Variants in PCDHA3 observed in about 807,000 individuals in gnomAD.
PCDHA3 encodes the protein protocadherin alpha 3.
Under a neutral mutation model 62.2 loss-of-function variants are expected in PCDHA3, and 41 were observed. The observed-to-expected ratio is 0.66, with a 90% CI of 0.51 to 0.86. PCDHA3 has a LOEUF of 0.86. Ranked by LOEUF, PCDHA3 falls within the 40% of genes least tolerant of loss-of-function variation. The pLI is 0.00. For missense variants in PCDHA3, 1,304 were observed against 1,241.2 expected (o/e 1.05, Z -0.76); for synonymous variants, 640 against 555.4 (o/e 1.15, Z -2.14).
At chr5:140,877,995 T>A in intron 1 of PCDHA3, 1 of 1,054,404 alleles carries the variant, frequency 9.5e-7, no homozygotes. Context: ...AACTTTTATG[T>A]ATTTGTCTAA....
At position 140,803,296 on chromosome 5, in the gene PCDHA3, T is replaced by A. The variant is rs1312324296; in HGVS notation, c.2099T>A (p.Leu700Ter). The change falls in exon 1 of 4, where the codon TTG (leucine) becomes TAG (stop). Residue 700 changes from leucine to a stop codon, truncating the protein, a stop_gained. Transcript: ENST00000522353. LOFTEE classifies it high-confidence loss of function. ...GCACTGGTGGATGTCAACGTGTACT[T>A]GATCGTCGCCATCTGCGCGGTGTCC... Reference protein sequence around the residue: ...EAALVDVNVYLIVAICAVSSL... With the variant: ...EAALVDVNVY 9.3e-6 allele frequency: 15 copies of A among 1,614,112 alleles called. No individual in the cohort carries two copies. Among genetic ancestry groups the A allele is most frequent in the Non-Finnish European group, 1.3e-5 (15 of 1,179,990 alleles).
At chr5:140,907,099 C>T (rs2073164781) in intron 1 of PCDHA3, among the ~76,000 whole-genome samples, 1 of 152,108 alleles carries the variant, frequency 6.6e-6, no homozygotes, top group Admixed American at 6.5e-5. Flanking sequence ...GGTGCCACTT[C>T]CACTTCCACC....
chr5:140,826,207 A>T (rs1165318551), intron 1 of PCDHA3, among the ~76,000 whole-genome samples: 2 of 152,254 alleles, frequency 1.3e-5, no homozygotes, highest in Admixed American at 6.5e-5. Flanking sequence ...GTCACATTTT[A>T]AAAAATCAAG....
intron 1 of PCDHA3, chr5:140,822,669 T>G: frequency 6.2e-7 from 1 of 1,608,496 alleles, no homozygotes; most frequent in South Asian, 1.1e-5. Flanking sequence ...ATTCTAATAC[T>G]GGTGAAATAA....
intron 1 of PCDHA3, chr5:140,883,659 T>A (rs2059734857): frequency 6.2e-7 from 1 of 1,612,766 alleles, no homozygotes. Flanking sequence ...ACGGTGTTCG[T>A]GAAGGAAAAC....
At chr5:140,829,157 T>A (rs2150163134) in intron 1 of PCDHA3, 10 of 1,613,942 alleles carry the variant, frequency 6.2e-6, no homozygotes, top group Non-Finnish European at 7.6e-6. Flanking sequence ...GACTTCCTTA[T>A]CCTTGCCTGT....
chr5:140,877,325 C>G lies in PCDHA3; in HGVS notation c.2394+73734C>G. 1.2e-6 allele frequency: 2 copies of G among 1,613,974 alleles called. No individual in the cohort carries two copies. Among genetic ancestry groups the G allele is most frequent in the Non-Finnish European group, 1.7e-6 (2 of 1,179,864 alleles). The stretch of plus-strand genomic sequence containing the variant: ...GAGTTGCAACCGGCGGCGGTCGGCG[C>G]GCACATCCCGTTCCACGTGGGGCTG... On this transcript the variant is annotated intron_variant, in intron 1 of 3. Transcript: ENST00000522353.
Position 140,822,123 on chromosome 5 carries a change from C to T in PCDHA3, c.2394+18532C>T, listed in dbSNP as rs2150113831. On this transcript the variant is annotated intron_variant, in intron 1 of 3. Transcript: ENST00000522353. The stretch of plus-strand genomic sequence containing the variant: ...TCGTGGACAGGCCGCTGCAGGTTTT[C>T]CATGTGGAGGTGGCAGTGAAGGACA... The T allele has an allele frequency of 7.4e-6, 12 of 1,614,116 alleles. 1 individual carries two copies. In the Middle Eastern group the frequency reaches 1.2e-3, roughly 155 times the overall value.
intron 1 of PCDHA3, among the ~76,000 whole-genome samples, chr5:140,908,560 C>T (rs1562965261): frequency 6.6e-6 from 1 of 152,198 alleles, no homozygotes; most frequent in Non-Finnish European, 1.5e-5. Context: ...AGGCCAAGAG[C>T]TGTCTCTCAA....
At chr5:140,898,099 A>C (rs1469393554) in intron 1 of PCDHA3, among the ~76,000 whole-genome samples, 2 of 152,168 alleles carry the variant, frequency 1.3e-5, no homozygotes, top group African/African-American at 4.8e-5. Flanking sequence ...GCCCTTTGTC[A>C]GATGAGTAGG....
intron 1 of PCDHA3, among the ~76,000 whole-genome samples, chr5:140,961,983 A>C (rs941028423): frequency 1.3e-5 from 2 of 151,532 alleles, no homozygotes; most frequent in Non-Finnish European, 2.9e-5. Context: ...TCCTGGGTTC[A>C]CGCCATTGTC....
At chr5:140,857,099 G>T in intron 1 of PCDHA3, 1 of 1,597,354 alleles carries the variant, frequency 6.3e-7, no homozygotes, top group Non-Finnish European at 8.6e-7. Context: ...TGAGGTGATT[G>T]TCACTTCTCT....
intron 1 of PCDHA3, chr5:140,881,278 T>G: frequency 5.4e-6 from 4 of 743,002 alleles, no homozygotes; most frequent in Non-Finnish European, 6.6e-6. Flanking sequence ...TGAAGTAAGA[T>G]GGAGAGAGAA....
intron 3 of PCDHA3, among the ~76,000 whole-genome samples, chr5:140,992,926 A>C (rs2097533873): frequency 6.6e-6 from 1 of 152,226 alleles, no homozygotes; most frequent in African/African-American, 2.4e-5. Context: ...CCATACTTAC[A>C]GCAGCTCTGA....
intron 1 of PCDHA3, chr5:140,848,505 T>G: frequency 6.3e-7 from 1 of 1,587,952 alleles, no homozygotes; most frequent in South Asian, 1.1e-5. Context: ...AATGTTATAC[T>G]CAAGTCGAGG....
At chr5:140,862,912 C>T (rs1554157229) in intron 1 of PCDHA3, 1 of 550,038 alleles carries the variant, frequency 1.8e-6, no homozygotes, top group Non-Finnish European at 3.5e-6. Flanking sequence ...GCTGCTGGCG[C>T]CTTGGGTGGG....
At chr5:140,874,134 C>T (rs2054725501) in intron 1 of PCDHA3, among the ~76,000 whole-genome samples, 1 of 152,122 alleles carries the variant, frequency 6.6e-6, no homozygotes, top group African/African-American at 2.4e-5. Flanking sequence ...TTTAAGTTAT[C>T]TTATACTTGT....
intron 1 of PCDHA3, chr5:140,823,666 A>T: frequency 6.2e-7 from 1 of 1,614,028 alleles, no homozygotes; most frequent in South Asian, 1.1e-5. Context: ...AGGCGAGATC[A>T]GCACAACACG....
At chr5:140,807,076 T>G in intron 1 of PCDHA3, 3 of 1,236,862 alleles carry the variant, frequency 2.4e-6, no homozygotes, top group Non-Finnish European at 3.4e-6. Context: ...CCATATACAC[T>G]CTTTGGAGTC....
Sources: gnomAD v4.1 joint callset for allele counts (sites outside exome capture counted in the v4.1 genomes callset) on GRCh38, gnomAD v4.1.1 for gene constraint, MANE v1.5 for transcripts, NCBI Gene and HGNC (gene_info 2026-07-23, HGNC 2026-07-21) for gene names.